Variants in SLC7A1 observed in about 807,000 individuals in gnomAD.
SLC7A1 encodes solute carrier family 7 member 1, also known as high affinity cationic amino acid transporter 1.
In SLC7A1, 10 loss-of-function variants were observed where a neutral mutation model predicts 53.9. That is an observed-to-expected ratio of 0.19 (90% CI 0.11 to 0.31). The LOEUF is 0.31. Among genes scored for constraint, SLC7A1 ranks in the 10% least tolerant of loss-of-function variants. SLC7A1 has a pLI of 1.00. For synonymous variants in SLC7A1, 342 were observed against 338.7 expected (o/e 1.01, Z -0.11); for missense variants, 525 against 827.2 (o/e 0.63, Z 4.48).
Position 29,543,412 on chromosome 13 carries a change from AC to A in SLC7A1, c.-14-7211del, listed in dbSNP as rs1443762808. On this transcript the variant is annotated intron_variant, in intron 2 of 12. Coordinates refer to ENST00000380752, the MANE Select transcript of SLC7A1 (RefSeq NM_003045.5). ...GCCCAAGGGCCAGGGTGATGACTCA[AC>A]CAGGGGTTTCAGTCCTTCAGGCCTC... Among the ~76,000 whole-genome samples, 3 of 152,196 alleles carry A rather than the reference AC, an allele frequency of 2.0e-5. No individual in the cohort carries two copies. In the East Asian group the frequency reaches 5.8e-4, roughly 29 times the overall value.
At chr13:29,538,383 GAGGCC>G (rs1180758233) in intron 2 of SLC7A1, among the ~76,000 whole-genome samples, 2 of 152,228 alleles carry the variant, frequency 1.3e-5, no homozygotes, top group African/African-American at 4.8e-5. Flanking sequence ...AAGGGCCCCT[GAGGCC>G]AAGAGAAGAG....
rs151215634 is a variant in SLC7A1 at position 29,554,407 on chromosome 13, G to A, written c.-114-547C>T. Among the ~76,000 whole-genome samples the A allele has an allele frequency of 5.5e-3, 844 of 152,264 alleles. 12 individuals are homozygous for A. The highest frequency in any genetic ancestry group is 0.02 in the Middle Eastern group (6 of 294). On this transcript the variant is annotated intron_variant, in intron 1 of 12. Coordinates refer to ENST00000380752, the MANE Select transcript of SLC7A1 (RefSeq NM_003045.5). ...GGCAGCACAAAGCATACACGTGCCC[G>A]TAACACCAAGAGTCTCAGCATGGGC...
chr13:29,556,305 T>C (rs577117024), intron 1 of SLC7A1, among the ~76,000 whole-genome samples: 14 of 152,214 alleles, frequency 9.2e-5, no homozygotes, highest in Admixed American at 8.5e-4. Context: ...ATGTTACTTA[T>C]AGTAACACAA....
chr13:29,534,593 C>T (rs1255949744), intron 3 of SLC7A1, among the ~76,000 whole-genome samples: 2 of 152,148 alleles, frequency 1.3e-5, no homozygotes, highest in Non-Finnish European at 2.9e-5. Flanking sequence ...TGTGTGCCCT[C>T]CCCCAGCTGT....
At chr13:29,578,722 G>A (rs1326153311) in intron 1 of SLC7A1, among the ~76,000 whole-genome samples, 1 of 152,218 alleles carries the variant, frequency 6.6e-6, no homozygotes, top group African/African-American at 2.4e-5. Context: ...GGTACTCTGA[G>A]AGCTCCAAAC....
intron 9 of SLC7A1, among the ~76,000 whole-genome samples, chr13:29,519,161 G>A (rs1014723387): frequency 6.6e-6 from 1 of 152,114 alleles, no homozygotes; most frequent in Non-Finnish European, 1.5e-5. Context: ...TCTGATCCCA[G>A]GATCCTGGCC....
At chr13:29,560,167 A>C (rs997514657) in intron 1 of SLC7A1, among the ~76,000 whole-genome samples, 11 of 151,424 alleles carry the variant, frequency 7.3e-5, no homozygotes, top group Admixed American at 6.6e-4. Flanking sequence ...CTTTTTTCTT[A>C]AAAACCAAGA....
At chr13:29,582,285 C>T (rs1032742965) in intron 1 of SLC7A1, among the ~76,000 whole-genome samples, 3 of 152,214 alleles carry the variant, frequency 2.0e-5, no homozygotes, top group Non-Finnish European at 4.4e-5. Flanking sequence ...TCACTCCTTG[C>T]CGGTGCCAGA....
At chr13:29,515,765 G>T (rs764334154) in intron 12 of SLC7A1, among the ~76,000 whole-genome samples, 4 of 152,218 alleles carry the variant, frequency 2.6e-5, no homozygotes, top group Admixed American at 6.5e-5. Context: ...TCACAGAGGA[G>T]CCCATGACAT....
chr13:29,514,476 T>C lies in SLC7A1; in HGVS notation c.*4A>G, dbSNP rs768042908. 4 of 1,606,028 alleles carry C rather than the reference T, an allele frequency of 2.5e-6. No individual in the cohort carries two copies. The South Asian group carries it at 3.3e-5, about 13-fold the overall frequency. ...CTGCCACCTCCGGGGGGCGGGGCTGTGCGTCACTTGCACTGGTCCAAGTTG... is the reference window on the plus strand; with the variant it reads ...CTGCCACCTCCGGGGGGCGGGGCTGCGCGTCACTTGCACTGGTCCAAGTTG... On this transcript the variant is annotated 3_prime_UTR_variant, in exon 13 of 13. Transcript: ENST00000380752.
At chr13:29,576,267 G>C (rs970539396) in intron 1 of SLC7A1, among the ~76,000 whole-genome samples, 1 of 118,466 alleles carries the variant, frequency 8.4e-6, no homozygotes, top group African/African-American at 3.6e-5. Context: ...ACTTCAGCCT[G>C]GGTATCAGTA....
At chr13:29,522,688 A>G (rs951834316) in intron 7 of SLC7A1, among the ~76,000 whole-genome samples, 4 of 152,224 alleles carry the variant, frequency 2.6e-5, no homozygotes, top group African/African-American at 9.6e-5. Context: ...GGGAACATCT[A>G]TCTAACATAC....
In SLC7A1 at chr13:29,562,165, C is replaced by A. The variant is rs369255774; in HGVS notation, c.-114-8305G>T. Among the ~76,000 whole-genome samples, 2 of 152,230 alleles carry A rather than the reference C, an allele frequency of 1.3e-5. 1 individual carries two copies. Among genetic ancestry groups the A allele is most frequent in the South Asian group, 4.1e-4 (2 of 4,836 alleles). On this transcript the variant is annotated intron_variant, in intron 1 of 12. Transcript: ENST00000380752. ...CCCAATGATCACGCCCTGTCCTTCA[C>A]CTGATGACAGTGAATGTTCCAGCTG...
chr13:29,534,839 T>C (rs1869335323), intron 3 of SLC7A1, among the ~76,000 whole-genome samples: 1 of 152,240 alleles, frequency 6.6e-6, no homozygotes, highest in African/African-American at 2.4e-5. Flanking sequence ...GAGTGGCCGT[T>C]TGTACCCTTT....
intron 12 of SLC7A1, 55 bp from the exon 13 acceptor site, chr13:29,514,638 G>T (rs1883502063): frequency 7.2e-7 from 1 of 1,387,782 alleles, no homozygotes; most frequent in Admixed American, 1.9e-5. Flanking sequence ...CACCACCGCA[G>T]GCAGGGCTCA....
chr13:29,537,680 C>T (rs555765181), intron 2 of SLC7A1, among the ~76,000 whole-genome samples: 30 of 152,316 alleles, frequency 2.0e-4, no homozygotes, highest in African/African-American at 7.0e-4. Context: ...TTCTATAAAT[C>T]TAACACTATC....
In SLC7A1 at chr13:29,569,564, T is replaced by C. The variant is rs535053073; in HGVS notation, c.-114-15704A>G. The stretch of plus-strand genomic sequence containing the variant: ...GGCGGGGGCTGCAATAATCACATGA[T>C]AGCCCTCCTCCTTCTAAATCGAGCT... On this transcript the variant is annotated intron_variant, in intron 1 of 12. Transcript: ENST00000380752. Among the ~76,000 whole-genome samples the C allele has an allele frequency of 3.4e-4, 52 of 152,280 alleles. 1 individual carries two copies. Among genetic ancestry groups the C allele is most frequent in the Middle Eastern group, 3.4e-3 (1 of 294 alleles).
At chr13:29,592,485 C>T (rs1872151965) in intron 1 of SLC7A1, among the ~76,000 whole-genome samples, 3 of 152,216 alleles carry the variant, frequency 2.0e-5, no homozygotes, top group Admixed American at 6.5e-5. Context: ...AAAAGGAACA[C>T]GGCTAGCAAG....
At chr13:29,515,806 A>G (rs567536385) in intron 12 of SLC7A1, among the ~76,000 whole-genome samples, 1 of 152,328 alleles carries the variant, frequency 6.6e-6, no homozygotes, top group Admixed American at 6.5e-5. Context: ...GCCCGTACCA[A>G]TTTGGTGCTG....
Sources: gnomAD v4.1 joint callset for allele counts (sites outside exome capture counted in the v4.1 genomes callset) on GRCh38, gnomAD v4.1.1 for gene constraint, MANE v1.5 for transcripts, NCBI Gene and HGNC (gene_info 2026-07-23, HGNC 2026-07-21) for gene names.